ADCY2: variants seen among roughly 807,000 people sequenced by gnomAD.
The protein encoded by ADCY2 is adenylate cyclase type 2.
In ADCY2, 31 loss-of-function variants were observed where a neutral mutation model predicts 125.2. The ratio of observed to expected loss-of-function variants is 0.25; its 90% CI spans 0.19 to 0.33. The LOEUF (loss-of-function observed/expected upper bound fraction) is 0.33. Ranked by LOEUF, ADCY2 falls within the 10% of genes least tolerant of loss-of-function variation. The pLI is 1.00. For missense variants in ADCY2, 904 were observed against 1,418.2 expected (o/e 0.64, Z 5.82); for synonymous variants, 512 against 548.4 (o/e 0.93, Z 0.93).
intron 3 of ADCY2, among the ~76,000 whole-genome samples, chr5:7,581,424 T>C (rs1736427927): frequency 6.6e-6 from 1 of 152,084 alleles, no homozygotes; most frequent in East Asian, 1.9e-4. Context: ...CTTTAATCAC[T>C]AGAGCAATCA....
chr5:7,483,743 A>G (rs1742821588), intron 2 of ADCY2, among the ~76,000 whole-genome samples: 1 of 152,128 alleles, frequency 6.6e-6, no homozygotes, highest in East Asian at 1.9e-4. Context: ...GGAATACACC[A>G]TCTGTGCCTC....
At chr5:7,722,987 G>A (rs1400555928) in intron 12 of ADCY2, among the ~76,000 whole-genome samples, 33 of 97,532 alleles carry the variant, frequency 3.4e-4, no homozygotes, top group African/African-American at 7.0e-4. Flanking sequence ...AAAAAAAAAA[G>A]CATGTCCTTT....
intron 3 of ADCY2, among the ~76,000 whole-genome samples, chr5:7,587,512 G>A (rs866742009): frequency 7.9e-5 from 12 of 152,098 alleles, no homozygotes; most frequent in Non-Finnish European, 1.8e-4. Flanking sequence ...CGTTCTCAAC[G>A]ACCAGCCTCC....
At chr5:7,517,978 A>T (rs1480719041) in intron 2 of ADCY2, among the ~76,000 whole-genome samples, 1 of 152,214 alleles carries the variant, frequency 6.6e-6, no homozygotes, top group Non-Finnish European at 1.5e-5. Flanking sequence ...CTGTTGTGGG[A>T]TATAAGATTT....
At chr5:7,804,040 A>AGAGAGAGAGAGAGAGAG (rs1744682437) in intron 21 of ADCY2, among the ~76,000 whole-genome samples, 1 of 106,612 alleles carries the variant, frequency 9.4e-6, no homozygotes, top group Non-Finnish European at 1.9e-5. Flanking sequence ...GGAGGGGGGA[A>AGAGAGAGAGAGAGAGAG]AGAGAGAGAG....
chr5:7,676,998 C>G (rs1037060526), intron 4 of ADCY2, among the ~76,000 whole-genome samples: 2 of 152,082 alleles, frequency 1.3e-5, no homozygotes, highest in South Asian at 4.2e-4. Flanking sequence ...TTAACCCAGC[C>G]GGGTGCGGTG....
intron 2 of ADCY2, among the ~76,000 whole-genome samples, chr5:7,479,947 G>A (rs1171189639): frequency 2.6e-5 from 4 of 152,088 alleles, no homozygotes; most frequent in Non-Finnish European, 4.4e-5. Context: ...TAAAAATTGG[G>A]AAAAGGACAT....
intron 14 of ADCY2, among the ~76,000 whole-genome samples, chr5:7,728,167 C>A (rs1257201245): frequency 6.6e-6 from 1 of 152,030 alleles, no homozygotes; most frequent in Non-Finnish European, 1.5e-5. Context: ...GTGCAGCCAG[C>A]CTTTGTGGGC....
chr5:7,537,943 A>G (rs1416721518), intron 3 of ADCY2, among the ~76,000 whole-genome samples: 3 of 152,122 alleles, frequency 2.0e-5, no homozygotes, highest in Non-Finnish European at 4.4e-5. Flanking sequence ...TCACCTGGCC[A>G]GTGCCTAGGT....
intron 2 of ADCY2, among the ~76,000 whole-genome samples, chr5:7,444,259 G>T (rs1029919405): frequency 6.6e-6 from 1 of 151,570 alleles, no homozygotes; most frequent in African/African-American, 2.4e-5. Context: ...GACTACAGGC[G>T]CCCGCCACCA....
Position 7,626,325 on chromosome 5 carries a change from T to C in ADCY2, c.720+9T>C. ...TTGAAAAACGTCAACAGGTAATGGA[T>C]GTTTCATCTTACATCCACATTATTT... On this transcript the variant is annotated intron_variant, in intron 4 of 24. Coordinates refer to ENST00000338316, the MANE Select transcript of ADCY2 (RefSeq NM_020546.3). The C allele has an allele frequency of 6.2e-7, 1 of 1,612,898 alleles. No homozygotes were observed. The highest frequency in any genetic ancestry group is 1.3e-5 in the African/African-American group (1 of 74,996).
In ADCY2 at chr5:7,829,803, C is replaced by G. The variant is rs565672352; in HGVS notation, c.*2932C>G. ...GAATGACCAGGTAACATCATCAGGCCGGGTGCAGTGGCTCCTATAATCCCA... is the reference window on the plus strand; with the variant it reads ...GAATGACCAGGTAACATCATCAGGCGGGGTGCAGTGGCTCCTATAATCCCA... On this transcript the variant is annotated 3_prime_UTR_variant, in exon 25 of 25. Transcript: ENST00000338316. The G allele has an allele frequency of 6.6e-6, 1 of 152,276 alleles. No homozygotes were observed. The highest frequency in any genetic ancestry group is 1.9e-4 in the East Asian group (1 of 5,232). 9.4% of individuals were successfully genotyped at this position (152,276 alleles called of 1,614,324 possible).
At chr5:7,486,290 A>G (rs983207691) in intron 2 of ADCY2, among the ~76,000 whole-genome samples, 2 of 152,256 alleles carry the variant, frequency 1.3e-5, no homozygotes, top group Non-Finnish European at 2.9e-5. Flanking sequence ...AAATGTACAT[A>G]TATTTCCATG....
intron 3 of ADCY2, among the ~76,000 whole-genome samples, chr5:7,603,513 A>AAT (rs1490910416): frequency 2.0e-5 from 3 of 152,178 alleles, no homozygotes; most frequent in African/African-American, 7.2e-5. Flanking sequence ...TTTCCCTTGA[A>AAT]ATATATAGGT....
intron 14 of ADCY2, among the ~76,000 whole-genome samples, chr5:7,728,467 G>A (rs1332242132): frequency 1.3e-5 from 2 of 152,160 alleles, no homozygotes; most frequent in Non-Finnish European, 2.9e-5. Context: ...GTAATACATA[G>A]ACCAAAGGAG....
At chr5:7,627,398 G>A (rs1738170529) in intron 4 of ADCY2, among the ~76,000 whole-genome samples, 1 of 152,218 alleles carries the variant, frequency 6.6e-6, no homozygotes. Context: ...AGAAGCCATA[G>A]AGGGGCCCTG....
chr5:7,687,678 C>T lies in ADCY2; in HGVS notation c.721-3013C>T, dbSNP rs138812576. 7.4e-4 allele frequency among the ~76,000 whole-genome samples: 113 copies of T among 152,196 alleles called. 1 individual carries two copies. The highest frequency in any genetic ancestry group is 2.7e-3 in the East Asian group (14 of 5,174). On this transcript the variant is annotated intron_variant, in intron 4 of 24. Transcript: ENST00000338316. The stretch of plus-strand genomic sequence containing the variant: ...TATTCATCAGCTACCTCTTCATTAG[C>T]GGACACACAGGAAAGCATACATTCA...
chr5:7,802,617 A>G lies in ADCY2; in HGVS notation c.2775+253A>G, dbSNP rs1744630997. On this transcript the variant is annotated intron_variant, in intron 21 of 24. Transcript: ENST00000338316. This position sits in a 1 kb window ranked among gnomAD's most constrained non-coding sequence, Gnocchi z 4.6. ...AATCTGTTAAATCAAATGTGTATCC[A>G]GTGTGCTAGTGGATTCTTTACAAAG... Among the ~76,000 whole-genome samples the G allele has an allele frequency of 6.6e-6, 1 of 152,254 alleles. No homozygotes were observed. The highest frequency in any genetic ancestry group is 2.4e-5 in the African/African-American group (1 of 41,466).
At chr5:7,400,955 A>G (rs1739241574) in intron 1 of ADCY2, among the ~76,000 whole-genome samples, 1 of 152,230 alleles carries the variant, frequency 6.6e-6, no homozygotes, top group Admixed American at 6.5e-5. Flanking sequence ...ATGATTAAAT[A>G]TATACATGGC....
Sources: gnomAD v4.1 joint callset for allele counts (sites outside exome capture counted in the v4.1 genomes callset) on GRCh38, gnomAD v4.1.1 for gene constraint, Gnocchi (gnomAD v3.1) non-coding constraint, MANE v1.5 for transcripts, NCBI Gene and HGNC (gene_info 2026-07-23, HGNC 2026-07-21) for gene names.